AZIN1: variants seen among roughly 807,000 people sequenced by gnomAD.
AZIN1 encodes the protein antizyme inhibitor 1, also known as ornithine decarboxylase antizyme inhibitor.
A neutral mutation model predicts 47.4 loss-of-function variants in AZIN1; 12 were observed. The ratio of observed to expected loss-of-function variants is 0.25; its 90% CI spans 0.16 to 0.41. The LOEUF (loss-of-function observed/expected upper bound fraction) is 0.41, where lower values mean the gene tolerates loss of function less well. Ranked by LOEUF, AZIN1 falls within the 10% of genes least tolerant of loss-of-function variation. The pLI, the probability that AZIN1 is intolerant of heterozygous loss-of-function variation, is 1.00. For missense variants in AZIN1, 410 were observed against 532.4 expected, an observed-to-expected ratio of 0.77 and a Z score of 2.26; for synonymous variants, 155 against 176.3, an observed-to-expected ratio of 0.88 and a Z score of 0.96.
At position 102,827,841 on chromosome 8, in the gene AZIN1, TACTTA is replaced by T. The variant is rs1444841311; in HGVS notation, c.*721_*725del. 2 of 152,590 alleles carry T rather than the reference TACTTA, an allele frequency of 1.3e-5. No individual in the cohort carries two copies. The highest frequency in any genetic ancestry group is 4.8e-5 in the African/African-American group (2 of 41,444). 9.5% of individuals were successfully genotyped at this position (152,590 alleles called of 1,614,324 possible). A position where few individuals can be genotyped will look rare whatever the true frequency, so the allele number is the denominator to read the frequency against. ...CTTCACAATGATTTACCAAACACTT[TACTTA>T]AATTACTAATTAAATAAATGAAAAA... On this transcript the variant is annotated 3_prime_UTR_variant, in exon 12 of 12. Coordinates refer to ENST00000337198, the MANE Select transcript of AZIN1 (RefSeq NM_148174.4).
At chr8:102,856,650 C>T (rs1209097128) in intron 2 of AZIN1, among the ~76,000 whole-genome samples, 1 of 152,148 alleles carries the variant, frequency 6.6e-6, no homozygotes, top group Non-Finnish European at 1.5e-5. Flanking sequence ...TAAATTTCTG[C>T]CTTAGAATGG....
intron 9 of AZIN1, among the ~76,000 whole-genome samples, chr8:102,832,829 T>C (rs914902161): frequency 6.6e-6 from 1 of 152,022 alleles, no homozygotes; most frequent in African/African-American, 2.4e-5. Flanking sequence ...TTAGTAGAGA[T>C]GGGGTTTCCA....
intron 5 of AZIN1, 35 bp downstream of exon 5, chr8:102,838,709 A>G (rs369562933): frequency 1.3e-6 from 2 of 1,563,210 alleles, no homozygotes; most frequent in Non-Finnish European, 1.7e-6. Flanking sequence ...TCTAAGTGCT[A>G]AATAATATTT....
At chr8:102,831,944 C>G (rs1811490085) in intron 9 of AZIN1, among the ~76,000 whole-genome samples, 2 of 151,970 alleles carry the variant, frequency 1.3e-5, no homozygotes, top group Non-Finnish European at 2.9e-5. Flanking sequence ...GACAAAACAA[C>G]AAGAAAAAAC....
intron 2 of AZIN1, among the ~76,000 whole-genome samples, chr8:102,851,966 A>C (rs956772457): frequency 6.6e-5 from 10 of 152,198 alleles, no homozygotes; most frequent in Non-Finnish European, 1.5e-4. Context: ...GTTAGTGGCA[A>C]ACAGTTTTCA....
chr8:102,856,594 G>A (rs187896190), intron 2 of AZIN1, among the ~76,000 whole-genome samples: 1 of 152,262 alleles, frequency 6.6e-6, no homozygotes. Context: ...ATTAAAAGAA[G>A]GATTATCTTT....
intron 3 of AZIN1, 118 bp from the exon 4 acceptor site, chr8:102,839,941 A>T: frequency 1.7e-6 from 1 of 603,496 alleles, no homozygotes; most frequent in Non-Finnish European, 2.7e-6. Context: ...ACATATATTT[A>T]CATACAGTAA....
At chr8:102,853,675 C>G (rs1176093409) in intron 2 of AZIN1, among the ~76,000 whole-genome samples, 4 of 152,188 alleles carry the variant, frequency 2.6e-5, no homozygotes, top group Non-Finnish European at 4.4e-5. Context: ...CTACTTTACA[C>G]AAGCACTGAC....
chr8:102,845,290 T>C (rs1049242173), intron 2 of AZIN1, among the ~76,000 whole-genome samples: 4 of 152,246 alleles, frequency 2.6e-5, no homozygotes, highest in Non-Finnish European at 1.5e-5. Context: ...TCAAATTTCA[T>C]GAAATACAAA....
intron 2 of AZIN1, among the ~76,000 whole-genome samples, chr8:102,846,064 T>C (rs1812550600): frequency 6.6e-6 from 1 of 152,244 alleles, no homozygotes; most frequent in South Asian, 2.1e-4. Context: ...GTCTAATATA[T>C]ATGTAGTATT....
chr8:102,861,690 T>C (rs1160053537), intron 1 of AZIN1, among the ~76,000 whole-genome samples: 2 of 152,052 alleles, frequency 1.3e-5, no homozygotes, highest in African/African-American at 4.8e-5. Context: ...GCATACTGTA[T>C]GATTCCATTC....
chr8:102,863,205 A>G (rs1813847077), intron 1 of AZIN1, among the ~76,000 whole-genome samples: 1 of 152,116 alleles, frequency 6.6e-6, no homozygotes, highest in South Asian at 2.1e-4. Flanking sequence ...TTCCTCCACC[A>G]GAGGGGGACC....
In AZIN1 at chr8:102,833,230, A is replaced by G; in HGVS notation, c.742-12T>C. 2 of 1,607,322 alleles carry G rather than the reference A, an allele frequency of 1.2e-6. No individual in the cohort carries two copies. The highest frequency in any genetic ancestry group is 1.7e-6 in the Non-Finnish European group (2 of 1,176,684). ...ATAACATGATTAACCTATGGATTTT[A>G]AATGCCACAGTATGGTTTCAATATT... On this transcript the variant is annotated splice_polypyrimidine_tract_variant and intron_variant, in intron 8 of 11. Coordinates refer to ENST00000337198, the MANE Select transcript of AZIN1 (RefSeq NM_148174.4).
chr8:102,828,752 T>C (rs1352835223), intron 11 of AZIN1, 74 bp from the exon 12 acceptor site: 1 of 887,596 alleles, frequency 1.1e-6, no homozygotes, highest in Non-Finnish European at 1.8e-6. Context: ...AAATGGATAA[T>C]AAAACAGGAT....
intron 3 of AZIN1, among the ~76,000 whole-genome samples, chr8:102,842,859 A>T (rs1338745668): frequency 6.6e-6 from 1 of 151,986 alleles, no homozygotes; most frequent in Non-Finnish European, 1.5e-5. Context: ...GTGAGCTGAG[A>T]TCGTGCCACT....
In AZIN1 at chr8:102,826,953, T is replaced by C. The variant is rs1279464203; in HGVS notation, c.*1614A>G. On this transcript the variant is annotated 3_prime_UTR_variant, in exon 12 of 12. Transcript: ENST00000337198. Reference sequence around the variant, plus strand: ...ATATATATATTTTTAATAGAACCCATGAGATTTAAATGGGCATTAATCAAA... The same window carrying C: ...ATATATATATTTTTAATAGAACCCACGAGATTTAAATGGGCATTAATCAAA... 1.3e-5 allele frequency: 2 copies of C among 152,688 alleles called. No individual in the cohort carries two copies. Among genetic ancestry groups the C allele is most frequent in the Admixed American group, 1.3e-4 (2 of 15,294 alleles). 9.5% of individuals were successfully genotyped at this position (152,688 alleles called of 1,614,324 possible).
intron 1 of AZIN1, among the ~76,000 whole-genome samples, chr8:102,863,292 C>T (rs1367035516): frequency 6.6e-6 from 1 of 151,982 alleles, no homozygotes; most frequent in African/African-American, 2.4e-5. Context: ...CGCCCCGCTC[C>T]ATTCATAACC....
At chr8:102,844,290 T>C (rs918531594) in intron 2 of AZIN1, among the ~76,000 whole-genome samples, 1 of 151,668 alleles carries the variant, frequency 6.6e-6, no homozygotes, top group Non-Finnish European at 1.5e-5. Context: ...GTAGATTGCA[T>C]GAGCCTAGGA....
chr8:102,837,708 G>C (rs1811909093), intron 5 of AZIN1, among the ~76,000 whole-genome samples: 2 of 152,168 alleles, frequency 1.3e-5, no homozygotes, highest in Non-Finnish European at 2.9e-5. Context: ...AGATTTACCA[G>C]AGTAATCAAT....
Sources: allele counts gnomAD v4.1 joint callset (sites outside exome capture counted in the v4.1 genomes callset), GRCh38; gene constraint gnomAD v4.1.1; transcripts MANE v1.5; gene names NCBI Gene and HGNC (gene_info 2026-07-23, HGNC 2026-07-21).